Variants in KLRD1 observed in about 807,000 individuals in gnomAD.
The protein encoded by KLRD1 is killer cell lectin like receptor D1, also known as natural killer cells antigen CD94.
In KLRD1, 21 loss-of-function variants were observed where a neutral mutation model predicts 22.6. The observed-to-expected ratio is 0.93, with a 90% CI of 0.66 to 1.34. The LOEUF is 1.34. Ranked by LOEUF, KLRD1 falls within the 40% of genes most tolerant of loss-of-function variation. The probability of loss-of-function intolerance (pLI) is 0.00; values close to 1 mark genes in which losing one functional copy is unlikely to be tolerated. For synonymous variants in KLRD1, 59 were observed against 71.1 expected, an observed-to-expected ratio of 0.83 and a Z score of 0.85; for missense variants, 183 against 208.6, an observed-to-expected ratio of 0.88 and a Z score of 0.76.
intron 1 of KLRD1, among the ~76,000 whole-genome samples, chr12:10,267,042 C>T (rs1456658193): frequency 6.6e-6 from 1 of 151,626 alleles, no homozygotes; most frequent in African/African-American, 2.4e-5. Flanking sequence ...ATTAACTCGT[C>T]ATTTAACATT....
intron 1 of KLRD1, among the ~76,000 whole-genome samples, chr12:10,268,226 G>A (rs1267222930): frequency 2.0e-5 from 3 of 152,190 alleles, no homozygotes; most frequent in East Asian, 1.9e-4. Context: ...TCAGTGAGCC[G>A]AGATATTCAG....
rs1950340892 is a variant in KLRD1 at position 10,324,456 on chromosome 12, G to A, written c.*9663G>A. 6.6e-6 allele frequency: 1 copy of A among 151,512 alleles called. No individual in the cohort carries two copies. 9.4% of individuals were successfully genotyped at this position (151,512 alleles called of 1,614,324 possible). A position where few individuals can be genotyped will look rare whatever the true frequency, so the allele number is the denominator to read the frequency against. ...TTTTTGTGTGCCTGTGTACTCCATG[G>A]TTAGCTCCCACTTATAAGGGAGAAT... On this transcript the variant is annotated 3_prime_UTR_variant, in exon 6 of 6. Coordinates refer to ENST00000336164, the MANE Select transcript of KLRD1 (RefSeq NM_002262.5).
intron 1 of KLRD1, among the ~76,000 whole-genome samples, chr12:10,277,401 C>T (rs1412322611): frequency 2.0e-5 from 3 of 151,986 alleles, no homozygotes; most frequent in East Asian, 1.9e-4. Flanking sequence ...AGAACTTAGT[C>T]CCTAAATAAA....
At chr12:10,253,574 T>TC (rs1949364462) in intron 1 of KLRD1, among the ~76,000 whole-genome samples, 2 of 16,258 alleles carry the variant, frequency 1.2e-4, no homozygotes, top group Non-Finnish European at 3.2e-3. Flanking sequence ...TCTCTCACCC[T>TC]ATCCCCTTGA....
chr12:10,248,908 T>G (rs1949320001), intron 1 of KLRD1, among the ~76,000 whole-genome samples: 1 of 152,042 alleles, frequency 6.6e-6, no homozygotes, highest in Admixed American at 6.6e-5. Flanking sequence ...ATAAGTATAC[T>G]TTCCGCTTGA....
At chr12:10,266,516 C>T (rs540007619) in intron 1 of KLRD1, among the ~76,000 whole-genome samples, 52 of 151,972 alleles carry the variant, frequency 3.4e-4, no homozygotes, top group Admixed American at 2.0e-3. Flanking sequence ...GATTTGAATA[C>T]GTATTCAAAC....
At chr12:10,301,586 T>A (rs183643898), upstream of KLRD1, among the ~76,000 whole-genome samples, 312 of 152,370 alleles carry the variant, frequency 2.0e-3, no homozygotes, top group Non-Finnish European at 3.6e-3. Flanking sequence ...CTTTCTCTGC[T>A]GCAAACCTGC....
intron 1 of KLRD1, among the ~76,000 whole-genome samples, chr12:10,283,392 G>T (rs774055783): frequency 6.6e-5 from 10 of 152,298 alleles, no homozygotes; most frequent in Non-Finnish European, 1.2e-4. Flanking sequence ...AGCGGAGAGT[G>T]GGGATAAGGT....
At chr12:10,273,762 A>C (rs996339084) in intron 1 of KLRD1, among the ~76,000 whole-genome samples, 1 of 152,222 alleles carries the variant, frequency 6.6e-6, no homozygotes, top group African/African-American at 2.4e-5. Context: ...TGATGAAAGT[A>C]TAATTTCAAA....
intron 1 of KLRD1, among the ~76,000 whole-genome samples, chr12:10,297,118 A>G (rs1190905987): frequency 6.6e-6 from 1 of 152,242 alleles, no homozygotes; most frequent in African/African-American, 2.4e-5. Context: ...ATCTTCACCC[A>G]GGTTATCCTG....
chr12:10,263,064 A>G (rs1949468324), intron 1 of KLRD1, among the ~76,000 whole-genome samples: 1 of 152,022 alleles, frequency 6.6e-6, no homozygotes, highest in Non-Finnish European at 1.5e-5. Flanking sequence ...GTTTATCACG[A>G]CAATGCTTCA....
intron 1 of KLRD1, among the ~76,000 whole-genome samples, chr12:10,254,850 G>A (rs1168034509): frequency 4.5e-5 from 6 of 132,874 alleles, no homozygotes; most frequent in South Asian, 2.4e-4. Context: ...CTGAGATTGC[G>A]CTACCGCACT....
In KLRD1 at chr12:10,329,188, A is replaced by C. The variant is rs1240494986; in HGVS notation, c.*14395A>C. 1 of 152,182 alleles carries C rather than the reference A, an allele frequency of 6.6e-6. No homozygotes were observed. Among genetic ancestry groups the C allele is most frequent in the East Asian group, 1.9e-4 (1 of 5,206 alleles). 9.4% of individuals were successfully genotyped at this position (152,182 alleles called of 1,614,324 possible). A position where few individuals can be genotyped will look rare whatever the true frequency, so the allele number is the denominator to read the frequency against. On this transcript the variant is annotated 3_prime_UTR_variant, in exon 6 of 6. Transcript: ENST00000336164. ...TTTAGCCCTACTTTTACTACATCCC[A>C]TAAGTTTTGTTAGACTTTATTTTTG...
At chr12:10,309,522 G>A in intron 2 of KLRD1, 42 bp downstream of exon 2, 1 of 1,308,442 alleles carries the variant, frequency 7.6e-7, no homozygotes, top group South Asian at 1.2e-5. Context: ...TCAAAACTGT[G>A]AAGACATCAT....
chr12:10,273,270 A>G (rs1949565109), intron 1 of KLRD1, among the ~76,000 whole-genome samples: 1 of 152,194 alleles, frequency 6.6e-6, no homozygotes, highest in Non-Finnish European at 1.5e-5. Context: ...ATTAAGTGGA[A>G]AAAAGTAAAA....
chr12:10,305,679 A>G (rs181052714), upstream of KLRD1, among the ~76,000 whole-genome samples: 226 of 152,316 alleles, frequency 1.5e-3, 1 homozygote, highest in African/African-American at 5.3e-3. Flanking sequence ...TGAGAACAGC[A>G]AGGCTTTCAG....
intron 1 of KLRD1, among the ~76,000 whole-genome samples, chr12:10,240,446 A>G (rs529361623): frequency 6.6e-6 from 1 of 152,186 alleles, no homozygotes; most frequent in South Asian, 2.1e-4. Context: ...CCATGATGAA[A>G]TTAGTAGAAT....
rs923059092 is a variant in KLRD1, at chr12:10,317,332, G to A, written c.*2539G>A. 2 of 152,162 alleles carry A rather than the reference G, an allele frequency of 1.3e-5. No individual in the cohort carries two copies. Among genetic ancestry groups the A allele is most frequent in the East Asian group, 1.9e-4 (1 of 5,196 alleles). The allele number at this position is 152,162 out of a possible 1,614,324, so 9.4% of individuals were successfully genotyped here. A position where few individuals can be genotyped will look rare whatever the true frequency, so the allele number is the denominator to read the frequency against. On this transcript the variant is annotated 3_prime_UTR_variant, in exon 6 of 6. Transcript: ENST00000336164. ...CCGTTAGTTGTGAAGTCCTAATTAG[G>A]GAAAAGGAGTTAGGCTGGCGGGAGC...
chr12:10,243,224 G>A (rs1379623859), intron 1 of KLRD1, among the ~76,000 whole-genome samples: 1 of 152,122 alleles, frequency 6.6e-6, no homozygotes, highest in Non-Finnish European at 1.5e-5. Flanking sequence ...TGATGAATAT[G>A]TTAATTAGAT....
Sources: allele counts gnomAD v4.1 joint callset (sites outside exome capture counted in the v4.1 genomes callset), GRCh38; gene constraint gnomAD v4.1.1; transcripts MANE v1.5; gene names NCBI Gene and HGNC (gene_info 2026-07-23, HGNC 2026-07-21).